The following SCFD2 variants were observed in gnomAD, a reference collection of about 807,000 sequenced individuals.
SCFD2 encodes sec1 family domain-containing protein 2.
Under a neutral mutation model 58.9 loss-of-function variants are expected in SCFD2, and 54 were observed. The ratio of observed to expected loss-of-function variants is 0.92; its 90% confidence interval spans 0.74 to 1.15. SCFD2 has a LOEUF of 1.15. Ranked by LOEUF, SCFD2 falls within the 50% of genes most tolerant of loss-of-function variation. SCFD2 has a pLI of 0.00. For synonymous variants in SCFD2, 321 were observed against 335.9 expected (o/e 0.96, Z 0.49); for missense variants, 805 against 836.6 (o/e 0.96, Z 0.47).
intron 5 of SCFD2, among the ~76,000 whole-genome samples, chr4:53,143,816 A>ACACACACACACC (rs1196827814): frequency 6.6e-6 from 1 of 151,712 alleles, no homozygotes; most frequent in African/African-American, 2.4e-5. Context: ...ACACACACAC[A>ACACACACACACC]CACACACACA....
chr4:52,994,845 C>G (rs2148796838), intron 5 of SCFD2, among the ~76,000 whole-genome samples: 1 of 152,216 alleles, frequency 6.6e-6, no homozygotes, highest in Middle Eastern at 3.4e-3. Context: ...ATCATCATTA[C>G]CATCATCATC....
intron 2 of SCFD2, among the ~76,000 whole-genome samples, chr4:53,332,535 C>T (rs563971163): frequency 8.5e-5 from 13 of 152,266 alleles, no homozygotes; most frequent in Non-Finnish European, 1.9e-4. Context: ...ATGCCTTTGA[C>T]AAAATTCAAC....
rs113789790 is a variant in SCFD2, at chr4:52,929,217, G to A, written c.1562-8347C>T. ...TTAAAGAGAAGGATGGGTGAGGAAG[G>A]CAGATTCATCTGGAGGTAGGTAAGC... On this transcript the variant is annotated intron_variant, in intron 5 of 8. Transcript: ENST00000401642. Among the ~76,000 whole-genome samples, 1,417 of 152,290 alleles carry A rather than the reference G, an allele frequency of 9.3e-3. 22 individuals carry two copies. The highest frequency in any genetic ancestry group is 0.032 in the African/African-American group (1,345 of 41,538).
intron 2 of SCFD2, among the ~76,000 whole-genome samples, chr4:53,329,521 T>G (rs967595449): frequency 1.6e-4 from 24 of 149,088 alleles, no homozygotes; most frequent in African/African-American, 4.9e-4. Context: ...CCAACAGACC[T>G]GCAGCTGAGG....
intron 5 of SCFD2, chr4:52,949,305 A>G (rs1720525303): frequency 6.6e-6 from 1 of 152,092 alleles, no homozygotes; most frequent in African/African-American, 2.4e-5. Flanking sequence ...TTATAAGTCC[A>G]TATTTTAACA....
intron 5 of SCFD2, among the ~76,000 whole-genome samples, chr4:53,019,404 G>A (rs1722293683): frequency 6.6e-6 from 1 of 152,056 alleles, no homozygotes; most frequent in South Asian, 2.1e-4. Flanking sequence ...ATTGAAATAA[G>A]TTTATCAAAA....
chr4:53,176,563 C>A (rs1727336415), intron 4 of SCFD2, among the ~76,000 whole-genome samples: 1 of 152,226 alleles, frequency 6.6e-6, no homozygotes, highest in African/African-American at 2.4e-5. Context: ...GGAATAACTA[C>A]CATGCTAAAC....
At chr4:53,006,738 T>C (rs1027077336) in intron 5 of SCFD2, among the ~76,000 whole-genome samples, 1 of 152,188 alleles carries the variant, frequency 6.6e-6, no homozygotes, top group Admixed American at 6.5e-5. Flanking sequence ...ACTAAAGGCA[T>C]GCAAGTGATT....
intron 1 of SCFD2, among the ~76,000 whole-genome samples, chr4:53,358,837 A>G (rs1424590068): frequency 6.6e-6 from 1 of 152,218 alleles, no homozygotes; most frequent in Non-Finnish European, 1.5e-5. Context: ...CTATGCAAAC[A>G]TGCCTGACCC....
intron 5 of SCFD2, among the ~76,000 whole-genome samples, chr4:52,983,646 G>A (rs1721425601): frequency 6.6e-6 from 1 of 152,182 alleles, no homozygotes; most frequent in South Asian, 2.1e-4. Context: ...CAGGAGCTGA[G>A]AGCTCAGTTT....
Position 53,134,404 on chromosome 4 carries a change from T to C in SCFD2, c.1561+10929A>G, listed in dbSNP as rs1725878363. Reference sequence around the variant, plus strand: ...CAGTGCTTTTTAAACCAGACCTGTCTTTCCTCATTTGTTATACATGGTTGA... The same window carrying C: ...CAGTGCTTTTTAAACCAGACCTGTCCTTCCTCATTTGTTATACATGGTTGA... On this transcript the variant is annotated intron_variant, in intron 5 of 8. Transcript: ENST00000401642. 5.3e-5 allele frequency among the ~76,000 whole-genome samples: 8 copies of C among 152,308 alleles called. No homozygotes were observed. In the South Asian group the frequency reaches 1.5e-3, roughly 28 times the overall value.
intron 5 of SCFD2, among the ~76,000 whole-genome samples, chr4:52,969,348 A>G (rs1001266416): frequency 1.3e-5 from 2 of 152,242 alleles, no homozygotes; most frequent in African/African-American, 4.8e-5. Context: ...ATGTTTTTAA[A>G]TCATACATAA....
intron 4 of SCFD2, among the ~76,000 whole-genome samples, chr4:53,252,778 A>G: frequency 6.6e-6 from 1 of 152,228 alleles, no homozygotes; most frequent in Non-Finnish European, 1.5e-5. Context: ...CTAAAACCAT[A>G]AAAACCCTAG....
At chr4:53,262,774 C>T (rs1174521364) in intron 4 of SCFD2, among the ~76,000 whole-genome samples, 2 of 152,142 alleles carry the variant, frequency 1.3e-5, no homozygotes, top group South Asian at 4.1e-4. Context: ...GTTCTTTGAG[C>T]TTCTGGTATT....
chr4:53,182,947 A>G (rs971304085), intron 4 of SCFD2, among the ~76,000 whole-genome samples: 5 of 152,190 alleles, frequency 3.3e-5, no homozygotes, highest in African/African-American at 1.2e-4. Context: ...CAAAACCACA[A>G]TGAGATACCA....
chr4:52,942,864 C>A (rs1198756183), intron 5 of SCFD2, among the ~76,000 whole-genome samples: 3 of 150,846 alleles, frequency 2.0e-5, no homozygotes, highest in African/African-American at 7.3e-5. Context: ...TATTCCTCAT[C>A]AAAATGGGAT....
rs116147396 is a variant in SCFD2, at chr4:53,266,060, T to C, written c.1311+7766A>G. Reference sequence around the variant, plus strand: ...TTTTTAATGGGGAAAAAAAGCTTTTTTCTTGTGATGACTAGCATAAAAACA... The same window carrying C: ...TTTTTAATGGGGAAAAAAAGCTTTTCTCTTGTGATGACTAGCATAAAAACA... On this transcript the variant is annotated intron_variant, in intron 4 of 8. Transcript: ENST00000401642. Among the ~76,000 whole-genome samples, 1,313 of 152,290 alleles carry C rather than the reference T, an allele frequency of 8.6e-3. 20 individuals are homozygous for C. Among genetic ancestry groups the C allele is most frequent in the African/African-American group, 0.03 (1,236 of 41,544 alleles).
chr4:52,977,034 G>A (rs1204973640), intron 5 of SCFD2, among the ~76,000 whole-genome samples: 5 of 152,262 alleles, frequency 3.3e-5, no homozygotes, highest in South Asian at 4.2e-4. Context: ...CTGACACATA[G>A]TGAGCTCTGT....
At chr4:53,217,403 G>A (rs1418949685) in intron 4 of SCFD2, among the ~76,000 whole-genome samples, 3 of 151,436 alleles carry the variant, frequency 2.0e-5, no homozygotes, top group Non-Finnish European at 4.4e-5. Context: ...TTATATAATG[G>A]CCTTGTCTCT....
Sources: allele counts gnomAD v4.1 joint callset (sites outside exome capture counted in the v4.1 genomes callset), GRCh38; gene constraint gnomAD v4.1.1; transcripts MANE v1.5; gene names NCBI Gene and HGNC (gene_info 2026-07-23, HGNC 2026-07-21).